The following SOX5 variants were observed in gnomAD, a reference collection of about 807,000 sequenced individuals.
SOX5 encodes SRY-box transcription factor 5.
A neutral mutation model predicts 92.0 loss-of-function variants in SOX5; 9 were observed. The observed-to-expected ratio is 0.10, with a 90% CI of 0.06 to 0.17. SOX5 has a LOEUF of 0.17. SOX5 is among the 10% of genes least tolerant of loss of function. The pLI is 1.00. For synonymous variants in SOX5, 344 were observed against 336.3 expected (o/e 1.02, Z -0.25); for missense variants, 642 against 944.5 (o/e 0.68, Z 4.20).
chr12:23,632,277 G>A (rs1339316229), intron 8 of SOX5: 1 of 152,120 alleles, frequency 6.6e-6, no homozygotes, highest in East Asian at 1.9e-4. Context: ...GCAGACAGAA[G>A]TCCAACAGCA....
At chr12:24,220,041 C>CT (rs1015275865) in intron 3 of SOX5, among the ~76,000 whole-genome samples, 5 of 151,636 alleles carry the variant, frequency 3.3e-5, no homozygotes, top group East Asian at 1.9e-4. Context: ...ATGTTAATAG[C>CT]TTTTTTTTCC....
chr12:23,665,697 A>ATG, intron 6 of SOX5, 133 bp from the exon 7 acceptor site: 1 of 1,014,366 alleles, frequency 9.9e-7, no homozygotes, highest in Non-Finnish European at 1.4e-6. Context: ...TTGCTGGGAT[A>ATG]CTGGGCTTGA....
At chr12:23,551,114 A>T (rs552346375) in intron 11 of SOX5, among the ~76,000 whole-genome samples, 1 of 152,120 alleles carries the variant, frequency 6.6e-6, no homozygotes, top group East Asian at 1.9e-4. Context: ...CATGCATGAA[A>T]TGACAGAATA....
intron 8 of SOX5, among the ~76,000 whole-genome samples, chr12:23,608,280 A>T (rs975524653): frequency 6.6e-6 from 1 of 152,074 alleles, no homozygotes; most frequent in Non-Finnish European, 1.5e-5. Flanking sequence ...AAAACTTCAC[A>T]ACTCCTCAGA....
intron 1 of SOX5, among the ~76,000 whole-genome samples, chr12:23,945,429 C>T (rs547736972): frequency 6.6e-6 from 1 of 152,234 alleles, no homozygotes; most frequent in South Asian, 2.1e-4. Context: ...TACACAATGT[C>T]ACCTGACATT....
chr12:23,613,743 T>C (rs1440104493), intron 8 of SOX5, among the ~76,000 whole-genome samples: 1 of 152,224 alleles, frequency 6.6e-6, no homozygotes, highest in Admixed American at 6.5e-5. Flanking sequence ...TATTATGCTA[T>C]GCTAAGCAAA....
intron 3 of SOX5, chr12:23,762,400 T>C (rs769303821): frequency 7.9e-6 from 3 of 377,478 alleles, no homozygotes; most frequent in East Asian, 3.7e-5. Context: ...TGTAGCAAGA[T>C]TCCCCCCTCT....
intron 4 of SOX5, among the ~76,000 whole-genome samples, chr12:24,150,960 T>C (rs976137410): frequency 6.6e-6 from 1 of 151,882 alleles, no homozygotes; most frequent in Non-Finnish European, 1.5e-5. Flanking sequence ...AGGAGATAAA[T>C]TTAAAAACAG....
chr12:24,166,728 A>T (rs551501612), intron 4 of SOX5, among the ~76,000 whole-genome samples: 10 of 152,356 alleles, frequency 6.6e-5, no homozygotes, highest in African/African-American at 2.4e-4. Context: ...GCTATTGCAC[A>T]TAAAGCTAAT....
intron 2 of SOX5, among the ~76,000 whole-genome samples, chr12:24,348,053 A>G (rs529709056): frequency 6.9e-6 from 1 of 145,752 alleles, no homozygotes; most frequent in African/African-American, 2.7e-5. Flanking sequence ...GCTAATCAAA[A>G]AAAAAAAAAA....
At chr12:23,908,347 A>G (rs576528295) in intron 1 of SOX5, among the ~76,000 whole-genome samples, 2 of 152,168 alleles carry the variant, frequency 1.3e-5, no homozygotes, top group East Asian at 3.9e-4. Flanking sequence ...CTGACTGTCT[A>G]AGTAGTCCAA....
intron 4 of SOX5, among the ~76,000 whole-genome samples, chr12:24,056,142 T>G (rs1394139473): frequency 6.6e-6 from 1 of 152,106 alleles, no homozygotes; most frequent in African/African-American, 2.4e-5. Flanking sequence ...TATTTGTCAT[T>G]AAAAAAATAC....
upstream of SOX5, among the ~76,000 whole-genome samples, chr12:23,955,547 C>A (rs540645772): frequency 6.6e-6 from 1 of 152,086 alleles, no homozygotes; most frequent in Non-Finnish European, 1.5e-5. Context: ...TAGAAAGAAT[C>A]GATTATTTCA....
intron 1 of SOX5, among the ~76,000 whole-genome samples, chr12:24,398,011 G>C (rs1960496447): frequency 1.3e-5 from 2 of 151,816 alleles, no homozygotes; most frequent in African/African-American, 4.8e-5. Flanking sequence ...CACCATGCCT[G>C]ACTAATTTTT....
At chr12:24,455,639 C>A (rs1942920975) in intron 1 of SOX5, among the ~76,000 whole-genome samples, 1 of 152,194 alleles carries the variant, frequency 6.6e-6, no homozygotes, top group Non-Finnish European at 1.5e-5. Context: ...TAGCATTTCC[C>A]TAAACATCCC....
At chr12:23,862,799 G>A (rs187342359) in intron 2 of SOX5, among the ~76,000 whole-genome samples, 7 of 152,252 alleles carry the variant, frequency 4.6e-5, no homozygotes, top group South Asian at 2.1e-4. Flanking sequence ...CTCTTGAAGC[G>A]TGAATGTACC....
intron 4 of SOX5, among the ~76,000 whole-genome samples, chr12:24,015,959 G>GAGCTCCT (rs970159167): frequency 1.3e-5 from 2 of 152,010 alleles, no homozygotes; most frequent in African/African-American, 4.8e-5. Flanking sequence ...AGCACAGAGG[G>GAGCTCCT]AGGAGCTCCT....
intron 3 of SOX5, among the ~76,000 whole-genome samples, chr12:24,262,916 A>G (rs979628006): frequency 2.0e-5 from 3 of 152,280 alleles, no homozygotes; most frequent in East Asian, 1.9e-4. Flanking sequence ...ATTGCCTCCA[A>G]AATGTCTTAT....
intron 4 of SOX5, among the ~76,000 whole-genome samples, chr12:24,133,117 TA>T (rs1265579512): frequency 6.6e-6 from 1 of 152,220 alleles, no homozygotes; most frequent in Non-Finnish European, 1.5e-5. Flanking sequence ...CTCACTGGCA[TA>T]AAGGCTTCCC....
Sources: gnomAD v4.1 joint callset for allele counts (sites outside exome capture counted in the v4.1 genomes callset) on GRCh38, gnomAD v4.1.1 for gene constraint, MANE v1.5 for transcripts, NCBI Gene and HGNC (gene_info 2026-07-23, HGNC 2026-07-21) for gene names.